The following STEAP3 variants were observed in gnomAD, a reference collection of about 807,000 sequenced individuals.
STEAP3 encodes STEAP3 metalloreductase.
A neutral mutation model predicts 34.9 loss-of-function variants in STEAP3; 35 were observed. The ratio of observed to expected loss-of-function variants is 1.00; its 90% CI spans 0.76 to 1.33. The LOEUF (loss-of-function observed/expected upper bound fraction) is 1.33. Among genes scored for constraint, STEAP3 ranks in the 40% most tolerant of loss-of-function variants. STEAP3 has a pLI of 0.00. For synonymous variants in STEAP3, 281 were observed against 301.6 expected, an observed-to-expected ratio of 0.93 and a Z score of 0.71; for missense variants, 652 against 667.6, an observed-to-expected ratio of 0.98 and a Z score of 0.26.
intron 3 of STEAP3, among the ~76,000 whole-genome samples, chr2:119,247,251 A>C (rs974520984): frequency 6.6e-6 from 1 of 152,146 alleles, no homozygotes; most frequent in African/African-American, 2.4e-5. Context: ...GAACTGAGGG[A>C]TGGAGCTGCA....
At chr2:119,242,383 CA>C (rs1210627394) in intron 2 of STEAP3, among the ~76,000 whole-genome samples, 2 of 152,194 alleles carry the variant, frequency 1.3e-5, no homozygotes, top group Non-Finnish European at 2.9e-5. Context: ...TGACTGACCA[CA>C]AGGGGAGACT....
chr2:119,226,980 G>A (rs1359258684), intron 1 of STEAP3, among the ~76,000 whole-genome samples: 3 of 152,110 alleles, frequency 2.0e-5, no homozygotes, highest in African/African-American at 7.2e-5. Context: ...ACATTCTCCT[G>A]TCCAAATTCT....
rs1311376879 is a variant in STEAP3, at chr2:119,263,588, G to A, written c.*250G>A. On this transcript the variant is annotated 3_prime_UTR_variant, in exon 6 of 6. Transcript: ENST00000393110. ...TATACATAGCTAGCTAAAAAGTTGGGTCTCTGAGATTTCAACTTGTAGATT... is the reference window on the plus strand; with the variant it reads ...TATACATAGCTAGCTAAAAAGTTGGATCTCTGAGATTTCAACTTGTAGATT... 3.4e-6 allele frequency: 2 copies of A among 580,036 alleles called. No individual in the cohort carries two copies. The highest frequency in any genetic ancestry group is 3.9e-5 in the South Asian group (2 of 50,814). The allele number at this position is 580,036 out of a possible 1,614,324, so 35.9% of individuals were successfully genotyped here.
intron 2 of STEAP3, among the ~76,000 whole-genome samples, chr2:119,243,104 A>C (rs1411452922): frequency 1.3e-5 from 2 of 152,212 alleles, no homozygotes; most frequent in Admixed American, 6.5e-5. Context: ...CTCGGAAAGC[A>C]TGATCCCCAC....
intron 3 of STEAP3, chr2:119,246,368 C>G: frequency 5.1e-6 from 1 of 197,848 alleles, no homozygotes; most frequent in Admixed American, 5.2e-5. Context: ...GTACCCGGCC[C>G]TGAGGAAGGC....
At chr2:119,232,606 T>C (rs1000247595) in intron 2 of STEAP3, among the ~76,000 whole-genome samples, 1 of 152,210 alleles carries the variant, frequency 6.6e-6, no homozygotes, top group African/African-American at 2.4e-5. Flanking sequence ...ACTTCTTATT[T>C]GCATAAAATG....
chr2:119,248,694 G>A (rs1378203916), intron 4 of STEAP3: 1 of 154,824 alleles, frequency 6.5e-6, no homozygotes, highest in East Asian at 1.9e-4. Context: ...GCAGCCAGGA[G>A]GCCCATGTGG....
At chr2:119,257,331 G>T in intron 5 of STEAP3, 1 of 1,247,060 alleles carries the variant, frequency 8.0e-7, no homozygotes, top group Non-Finnish European at 1.0e-6. Context: ...GCTGAAGCCA[G>T]AGCCCTCTTG....
Position 119,230,940 on chromosome 2 carries a change from G to T in STEAP3, c.-73G>T. 6.2e-7 allele frequency: 1 copy of T among 1,605,248 alleles called. No individual in the cohort carries two copies. The highest frequency in any genetic ancestry group is 1.7e-5 in the Admixed American group (1 of 60,004). ...CCAGGCTGTCCTGGTTGGAGACTGA[G>T]CCAGAAAGGGTGGCTCACCTCACGG... On this transcript the variant is annotated 5_prime_UTR_variant, in exon 2 of 6. Coordinates refer to ENST00000393110, the MANE Select transcript of STEAP3 (RefSeq NM_182915.3).
chr2:119,230,044 G>C (rs779998531), intron 1 of STEAP3, among the ~76,000 whole-genome samples: 2 of 152,184 alleles, frequency 1.3e-5, no homozygotes, highest in Non-Finnish European at 2.9e-5. Flanking sequence ...GATGCTCAGG[G>C]ATCTGAAAAA....
At chr2:119,257,189 T>C (rs78242079) in intron 5 of STEAP3, among the ~76,000 whole-genome samples, 14,996 of 152,130 alleles carry the variant, frequency 0.099, 881 homozygotes, top group African/African-American at 0.17. Flanking sequence ...AACAGTGGAG[T>C]GTTTTGCATG....
intron 2 of STEAP3, among the ~76,000 whole-genome samples, chr2:119,238,628 G>A (rs868732565): frequency 1.3e-5 from 2 of 152,170 alleles, no homozygotes; most frequent in South Asian, 2.1e-4. Context: ...CGTCAGCAGC[G>A]AATTAGCAGG....
At chr2:119,250,916 C>G (rs1386094438) in intron 4 of STEAP3, among the ~76,000 whole-genome samples, 1 of 152,194 alleles carries the variant, frequency 6.6e-6, no homozygotes, top group East Asian at 1.9e-4. Flanking sequence ...CCGAAGGCCT[C>G]TCATGCAAAG....
At position 119,254,773 on chromosome 2, in the gene STEAP3, G is replaced by A. The variant is rs747987047; in HGVS notation, c.1140G>A (p.Thr380=). 5.9e-5 allele frequency: 96 copies of A among 1,614,068 alleles called. No homozygotes were observed. Among genetic ancestry groups the A allele is most frequent in the Non-Finnish European group, 7.7e-5 (91 of 1,180,052 alleles). The change falls in exon 5 of 6, where the codon ACG becomes ACA. Residue 380 remains threonine, a synonymous_variant. Coordinates refer to ENST00000393110, the MANE Select transcript of STEAP3 (RefSeq NM_182915.3). ...YLSLGVLALG[T]LSLLAVTSLP... Reference sequence around the variant, plus strand: ...CCCTGGGAGTGCTGGCCCTCGGCACGTTGTCCCTGCTGGCCGTGACCTCAC... The same window carrying A: ...CCCTGGGAGTGCTGGCCCTCGGCACATTGTCCCTGCTGGCCGTGACCTCAC...
chr2:119,237,036 G>A (rs1677111759), intron 2 of STEAP3, among the ~76,000 whole-genome samples: 1 of 152,230 alleles, frequency 6.6e-6, no homozygotes, highest in East Asian at 1.9e-4. Flanking sequence ...AAAACAAATA[G>A]GACATAACTT....
chr2:119,249,757 C>T (rs1380638851), intron 4 of STEAP3, among the ~76,000 whole-genome samples: 1 of 152,212 alleles, frequency 6.6e-6, no homozygotes, highest in Non-Finnish European at 1.5e-5. Context: ...TACTCGACTG[C>T]CCTCGTCCTT....
intron 1 of STEAP3, among the ~76,000 whole-genome samples, chr2:119,226,994 T>C (rs1412690733): frequency 6.6e-6 from 1 of 152,186 alleles, no homozygotes; most frequent in Non-Finnish European, 1.5e-5. Flanking sequence ...AAATTCTGCC[T>C]CATCGGTTAT....
rs183892176 is a variant in STEAP3, at chr2:119,253,247, G to A, written c.1051-1437G>A. Among the ~76,000 whole-genome samples the A allele has an allele frequency of 2.3e-4, 35 of 152,304 alleles. 1 individual carries two copies. Among genetic ancestry groups the A allele is most frequent in the African/African-American group, 7.9e-4 (33 of 41,562 alleles). On this transcript the variant is annotated intron_variant, in intron 4 of 5. Coordinates refer to ENST00000393110, the MANE Select transcript of STEAP3 (RefSeq NM_182915.3). ...CCACTGGTGGTCAGGACAAGAGGCT[G>A]GGTCCCTAGACTCCTGGTCCCTTAG...
chr2:119,238,641 C>A (rs952171483), intron 2 of STEAP3, among the ~76,000 whole-genome samples: 2 of 152,122 alleles, frequency 1.3e-5, no homozygotes, highest in Non-Finnish European at 2.9e-5. Flanking sequence ...TTAGCAGGAC[C>A]TGGGGGGCTT....
Sources: gnomAD v4.1 joint callset for allele counts (sites outside exome capture counted in the v4.1 genomes callset) on GRCh38, gnomAD v4.1.1 for gene constraint, MANE v1.5 for transcripts, NCBI Gene and HGNC (gene_info 2026-07-23, HGNC 2026-07-21) for gene names.